The following NALF1 variants were observed in gnomAD, a reference collection of about 807,000 sequenced individuals.
NALF1 encodes NALCN channel auxiliary factor 1, also known as family with sequence similarity 155 member A.
NALF1 carries 3 observed loss-of-function variants against 48.4 expected under a neutral mutation model. That is an observed-to-expected ratio of 0.06 (90% CI 0.03 to 0.16). The LOEUF is 0.16. Among genes scored for constraint, NALF1 ranks in the 10% least tolerant of loss-of-function variants. The pLI is 1.00. For synonymous variants in NALF1, 262 were observed against 245.7 expected (o/e 1.07, Z -0.62); for missense variants, 526 against 571.5 (o/e 0.92, Z 0.81).
chr13:107,500,439 A>T (rs1420208374), intron 1 of NALF1, among the ~76,000 whole-genome samples: 1 of 151,890 alleles, frequency 6.6e-6, no homozygotes, highest in African/African-American at 2.4e-5. Context: ...GCAATCATTA[A>T]AAAGTCAGGA....
At chr13:107,717,725 G>A (rs1875864391) in intron 1 of NALF1, among the ~76,000 whole-genome samples, 1 of 152,096 alleles carries the variant, frequency 6.6e-6, no homozygotes, top group Non-Finnish European at 1.5e-5. Flanking sequence ...GGGAAAGTAA[G>A]GCAGCACCCT....
chr13:107,648,559 C>T (rs1382264906), intron 1 of NALF1, among the ~76,000 whole-genome samples: 3 of 152,068 alleles, frequency 2.0e-5, no homozygotes, highest in African/African-American at 7.2e-5. Flanking sequence ...TATAGATATA[C>T]AAAAGTTTGT....
At chr13:107,795,274 A>G (rs933998208) in intron 1 of NALF1, among the ~76,000 whole-genome samples, 8 of 152,292 alleles carry the variant, frequency 5.3e-5, no homozygotes, top group Non-Finnish European at 1.2e-4. Flanking sequence ...CAAACAAACA[A>G]AAAACATCAA....
intron 1 of NALF1, among the ~76,000 whole-genome samples, chr13:107,398,869 A>C (rs750775554): frequency 4.6e-5 from 7 of 152,202 alleles, no homozygotes; most frequent in Non-Finnish European, 1.0e-4. Flanking sequence ...ACCAGTTAGA[A>C]ACCAGTTTCT....
intron 1 of NALF1, among the ~76,000 whole-genome samples, chr13:107,465,640 T>C (rs1011932452): frequency 2.6e-5 from 4 of 152,306 alleles, no homozygotes; most frequent in African/African-American, 9.6e-5. Context: ...CTGGCAATGA[T>C]GCTATGGCTG....
intron 1 of NALF1, among the ~76,000 whole-genome samples, chr13:107,760,625 C>A (rs1308643411): frequency 6.6e-6 from 1 of 152,166 alleles, no homozygotes; most frequent in African/African-American, 2.4e-5. Flanking sequence ...CCTATGATTT[C>A]TCTCAAGATC....
chr13:107,741,618 A>C (rs554459821), intron 1 of NALF1, among the ~76,000 whole-genome samples: 1 of 152,320 alleles, frequency 6.6e-6, no homozygotes, highest in African/African-American at 2.4e-5. Flanking sequence ...CATTTCTGAA[A>C]CACTGCATTT....
intron 1 of NALF1, among the ~76,000 whole-genome samples, chr13:107,230,173 T>C (rs888993664): frequency 6.6e-6 from 1 of 152,202 alleles, no homozygotes; most frequent in Non-Finnish European, 1.5e-5. Context: ...ACATTAACTT[T>C]ATTAAGTTGA....
intron 1 of NALF1, among the ~76,000 whole-genome samples, chr13:107,784,623 A>T (rs1365521910): frequency 1.3e-5 from 2 of 152,232 alleles, no homozygotes; most frequent in Non-Finnish European, 2.9e-5. Context: ...GAAGATACAC[A>T]AATAGCCAAC....
At chr13:107,418,519 C>T (rs923206161) in intron 1 of NALF1, among the ~76,000 whole-genome samples, 2 of 152,210 alleles carry the variant, frequency 1.3e-5, no homozygotes, top group South Asian at 2.1e-4. Flanking sequence ...TATTTGTACA[C>T]AACTGTAGAT....
intron 1 of NALF1, among the ~76,000 whole-genome samples, chr13:107,396,923 T>C (rs1387095392): frequency 6.6e-6 from 1 of 152,210 alleles, no homozygotes; most frequent in Non-Finnish European, 1.5e-5. Context: ...GTTTACGTGT[T>C]TATATGTTTG....
At chr13:107,233,956 T>C (rs1434936156) in intron 1 of NALF1, among the ~76,000 whole-genome samples, 1 of 152,228 alleles carries the variant, frequency 6.6e-6, no homozygotes, top group African/African-American at 2.4e-5. Context: ...ACATTGTTAT[T>C]TGAATTATTA....
At position 107,263,073 on chromosome 13, in the gene NALF1, G is replaced by GCTTGCCAGGGA. The variant is rs1315161105; in HGVS notation, c.916-52329_916-52319dup. Among the ~76,000 whole-genome samples the GCTTGCCAGGGA allele has an allele frequency of 2.0e-5, 3 of 152,216 alleles. No individual in the cohort carries two copies. The East Asian group carries it at 5.8e-4, about 29-fold the overall frequency. On this transcript the variant is annotated intron_variant, in intron 1 of 2. Transcript: ENST00000375915. ...GGGGTTTTGGTGACCATCTGTCCTG[G>GCTTGCCAGGGA]CTTGCCAGGGACTTGCCAGAGACTT...
At chr13:107,479,066 C>T (rs1356067504) in intron 1 of NALF1, among the ~76,000 whole-genome samples, 1 of 152,092 alleles carries the variant, frequency 6.6e-6, no homozygotes, top group Non-Finnish European at 1.5e-5. Flanking sequence ...ATGCAGAGTG[C>T]CAAAGGAATG....
intron 1 of NALF1, among the ~76,000 whole-genome samples, chr13:107,324,605 T>G (rs1363298838): frequency 6.6e-6 from 1 of 152,190 alleles, no homozygotes; most frequent in Non-Finnish European, 1.5e-5. Flanking sequence ...AACTGTGGGT[T>G]AATCAAAACA....
chr13:107,743,589 C>T lies in NALF1; in HGVS notation c.915+122093G>A, dbSNP rs567631745. ...ATGCATTATATACACAACACCTTCC[C>T]GAGTCAGTTGCTACAGTTTACACCT... On this transcript the variant is annotated intron_variant, in intron 1 of 2. Coordinates refer to ENST00000375915, the MANE Select transcript of NALF1 (RefSeq NM_001080396.3). Among the ~76,000 whole-genome samples, 8 of 152,254 alleles carry T rather than the reference C, an allele frequency of 5.3e-5. No individual in the cohort carries two copies. The East Asian group carries it at 1.4e-3, about 26-fold the overall frequency.
chr13:107,183,192 C>G (rs1879103117), intron 2 of NALF1, among the ~76,000 whole-genome samples: 1 of 152,220 alleles, frequency 6.6e-6, no homozygotes, highest in Non-Finnish European at 1.5e-5. Context: ...CCCAGCGACA[C>G]ACCCCTGGGG....
intron 1 of NALF1, among the ~76,000 whole-genome samples, chr13:107,226,564 A>G (rs1319072567): frequency 6.6e-6 from 1 of 152,240 alleles, no homozygotes; most frequent in Non-Finnish European, 1.5e-5. Context: ...CTCGAATTTC[A>G]TAGACTATAA....
At chr13:107,727,116 G>T (rs1394806430) in intron 1 of NALF1, among the ~76,000 whole-genome samples, 1 of 151,982 alleles carries the variant, frequency 6.6e-6, no homozygotes, top group Non-Finnish European at 1.5e-5. Context: ...ACAAGAGACT[G>T]CCCATGGTAG....
Sources: gnomAD v4.1 joint callset for allele counts (sites outside exome capture counted in the v4.1 genomes callset) on GRCh38, gnomAD v4.1.1 for gene constraint, MANE v1.5 for transcripts, NCBI Gene and HGNC (gene_info 2026-07-23, HGNC 2026-07-21) for gene names.